Variants in UNC5D observed in about 807,000 individuals in gnomAD.
UNC5D encodes the protein netrin receptor UNC5D.
In UNC5D, 39 loss-of-function variants were observed where a neutral mutation model predicts 105.4. That is an observed-to-expected ratio of 0.37 (90% confidence interval 0.29 to 0.48). The LOEUF (loss-of-function observed/expected upper bound fraction) is 0.48. Ranked by LOEUF, UNC5D falls within the 20% of genes least tolerant of loss-of-function variation. The pLI is 0.98. For synonymous variants in UNC5D, 452 were observed against 450.4 expected (o/e 1.00, Z -0.04); for missense variants, 991 against 1,202.4 (o/e 0.82, Z 2.60).
At chr8:35,257,907 G>T (rs983215221) in intron 1 of UNC5D, among the ~76,000 whole-genome samples, 9 of 152,142 alleles carry the variant, frequency 5.9e-5, no homozygotes, top group African/African-American at 1.7e-4. Context: ...TGTGAGCAAT[G>T]GATCTAAATT....
chr8:35,744,699 T>C (rs1374119591), intron 11 of UNC5D, among the ~76,000 whole-genome samples: 1 of 152,134 alleles, frequency 6.6e-6, no homozygotes, highest in Non-Finnish European at 1.5e-5. Flanking sequence ...TTTTGAGTGC[T>C]TACAGCGGGC....
At chr8:35,767,445 A>G (rs766672275) in intron 15 of UNC5D, among the ~76,000 whole-genome samples, 21 of 152,156 alleles carry the variant, frequency 1.4e-4, no homozygotes, top group Non-Finnish European at 2.4e-4. Context: ...AGAGGCACAA[A>G]GCCACCCTCA....
intron 3 of UNC5D, among the ~76,000 whole-genome samples, chr8:35,573,595 A>T (rs1817894986): frequency 6.6e-6 from 1 of 152,202 alleles, no homozygotes; most frequent in Admixed American, 6.5e-5. Flanking sequence ...CTTTTCTGTT[A>T]CGTGGGAGTT....
chr8:35,734,255 C>A (rs1436967600), intron 11 of UNC5D, among the ~76,000 whole-genome samples: 2 of 145,932 alleles, frequency 1.4e-5, no homozygotes, highest in Non-Finnish European at 3.0e-5. Context: ...GTATGTAAGC[C>A]ATCCATGCTA....
chr8:35,514,450 A>G (rs1812984309), intron 1 of UNC5D, among the ~76,000 whole-genome samples: 1 of 152,240 alleles, frequency 6.6e-6, no homozygotes, highest in Non-Finnish European at 1.5e-5. Context: ...GCAACCAACC[A>G]GGAAGAGTCA....
At chr8:35,341,584 T>C (rs1811462078) in intron 1 of UNC5D, among the ~76,000 whole-genome samples, 1 of 152,112 alleles carries the variant, frequency 6.6e-6, no homozygotes, top group African/African-American at 2.4e-5. Context: ...TTTTAGTCTG[T>C]CGTCTTGATA....
At chr8:35,719,362 G>C (rs549185589) in intron 8 of UNC5D, among the ~76,000 whole-genome samples, 1 of 152,264 alleles carries the variant, frequency 6.6e-6, no homozygotes. Context: ...TGGGATGGAG[G>C]TGTGGGTGTG....
chr8:35,758,860 A>G (rs1295138501), intron 13 of UNC5D, among the ~76,000 whole-genome samples: 2 of 152,234 alleles, frequency 1.3e-5, no homozygotes, highest in African/African-American at 2.4e-5. Context: ...AAGAATAAAT[A>G]TCATATAGTG....
chr8:35,537,711 ATAAT>A (rs1358841462), intron 1 of UNC5D, among the ~76,000 whole-genome samples: 3 of 150,156 alleles, frequency 2.0e-5, no homozygotes, highest in Admixed American at 6.6e-5. Context: ...TAAAAATAAA[ATAAT>A]AAATAAGTAA....
chr8:35,667,675 G>A (rs532087655), intron 4 of UNC5D, among the ~76,000 whole-genome samples: 6 of 152,154 alleles, frequency 3.9e-5, no homozygotes, highest in Non-Finnish European at 8.8e-5. Flanking sequence ...CTACCTTCCA[G>A]GTATTAATCT....
chr8:35,611,402 G>T (rs1820673743), intron 4 of UNC5D, among the ~76,000 whole-genome samples: 1 of 152,078 alleles, frequency 6.6e-6, no homozygotes. Context: ...ATGAAGGCTG[G>T]TGACCACCAA....
In UNC5D at chr8:35,722,414, T is replaced by C. The variant is rs1323452163; in HGVS notation, c.1303+19T>C. On this transcript the variant is annotated intron_variant, in intron 9 of 16. Transcript: ENST00000404895. The stretch of plus-strand genomic sequence containing the variant: ...CGTCAAGGTCAGCGGCATAGGTCCC[T>C]CCACACCTCGTCCTCAGTGCCATAG... 6.2e-7 allele frequency: 1 copy of C among 1,609,008 alleles called. No individual in the cohort carries two copies.
At chr8:35,290,524 T>A (rs1806969564) in intron 1 of UNC5D, among the ~76,000 whole-genome samples, 1 of 152,044 alleles carries the variant, frequency 6.6e-6, no homozygotes, top group Non-Finnish European at 1.5e-5. Context: ...TAATCAAAGG[T>A]TACCAAGTTT....
In UNC5D at chr8:35,610,284, A is replaced by G. The variant is rs1008250885; in HGVS notation, c.570+14627A>G. Among the ~76,000 whole-genome samples the G allele has an allele frequency of 1.8e-4, 27 of 152,198 alleles. 1 individual carries two copies. The highest frequency in any genetic ancestry group is 6.3e-4 in the African/African-American group (26 of 41,540). ...TCGTTTTTGGTTTTGTTTGTTTTTC[A>G]TTGGACCAAGCCTTCTTGAAGGTTG... On this transcript the variant is annotated intron_variant, in intron 4 of 16. Coordinates refer to ENST00000404895, the MANE Select transcript of UNC5D (RefSeq NM_080872.4).
At chr8:35,585,813 G>A (rs1818759982) in intron 3 of UNC5D, among the ~76,000 whole-genome samples, 2 of 151,282 alleles carry the variant, frequency 1.3e-5, no homozygotes, top group Non-Finnish European at 2.9e-5. Context: ...ACATATATAT[G>A]TATATGTTCC....
intron 7 of UNC5D, among the ~76,000 whole-genome samples, chr8:35,704,979 T>C (rs1300636736): frequency 6.7e-6 from 1 of 149,228 alleles, no homozygotes; most frequent in African/African-American, 2.5e-5. Context: ...TTTTTTTTTT[T>C]TTTTGAGACG....
chr8:35,428,924 C>A (rs2128973372), intron 1 of UNC5D, among the ~76,000 whole-genome samples: 1 of 151,998 alleles, frequency 6.6e-6, no homozygotes, highest in South Asian at 2.1e-4. Flanking sequence ...AATAAGTAGA[C>A]AATTCACAAA....
At chr8:35,319,684 T>C (rs1809575568) in intron 1 of UNC5D, among the ~76,000 whole-genome samples, 1 of 152,136 alleles carries the variant, frequency 6.6e-6, no homozygotes, top group Non-Finnish European at 1.5e-5. Flanking sequence ...ACTTTGGCCA[T>C]TAGCTTCTGA....
At chr8:35,517,157 G>A (rs1033824519) in intron 1 of UNC5D, among the ~76,000 whole-genome samples, 3 of 151,842 alleles carry the variant, frequency 2.0e-5, no homozygotes, top group Admixed American at 1.3e-4. Flanking sequence ...CTCCCTTTAG[G>A]CCTCCCCTCC....
Sources: allele counts gnomAD v4.1 joint callset (sites outside exome capture counted in the v4.1 genomes callset), GRCh38; gene constraint gnomAD v4.1.1; transcripts MANE v1.5; gene names NCBI Gene and HGNC (gene_info 2026-07-23, HGNC 2026-07-21).